Variants in UTRN observed in about 807,000 individuals in gnomAD.
The protein encoded by UTRN is utrophin, also known as dystrophin-related protein 1.
A neutral mutation model predicts 463.9 loss-of-function variants in UTRN; 283 were observed. The observed-to-expected ratio is 0.61, with a 90% CI of 0.55 to 0.67. The LOEUF (loss-of-function observed/expected upper bound fraction) is 0.67, where lower values mean the gene tolerates loss of function less well. Ranked by LOEUF, UTRN falls within the 30% of genes least tolerant of loss-of-function variation. UTRN has a pLI of 0.00. For synonymous variants in UTRN, 1,442 were observed against 1,431.5 expected (o/e 1.01, Z -0.17); for missense variants, 3,922 against 4,084.3 (o/e 0.96, Z 1.08).
At chr6:144,345,217 C>A (rs1207157583) in intron 2 of UTRN, among the ~76,000 whole-genome samples, 1 of 152,118 alleles carries the variant, frequency 6.6e-6, no homozygotes, top group Non-Finnish European at 1.5e-5. Context: ...AAATTCAAAC[C>A]AAAATGATTG....
intron 65 of UTRN, among the ~76,000 whole-genome samples, chr6:144,807,456 A>AT (rs1388556421): frequency 6.6e-6 from 1 of 152,080 alleles, no homozygotes; most frequent in Non-Finnish European, 1.5e-5. Context: ...CTAGGAAATG[A>AT]TTTTTTGTCT....
chr6:144,512,056 C>A (rs1382668206), intron 35 of UTRN, among the ~76,000 whole-genome samples: 1 of 152,050 alleles, frequency 6.6e-6, no homozygotes, highest in African/African-American at 2.4e-5. Context: ...TGATCTCTAA[C>A]AGATTTATAT....
chr6:144,428,338 A>G (rs1785483201), intron 7 of UTRN, among the ~76,000 whole-genome samples: 2 of 151,390 alleles, frequency 1.3e-5, no homozygotes, highest in Non-Finnish European at 2.9e-5. Context: ...AATTTAGTCC[A>G]TTAACATTGA....
chr6:144,832,129 A>G (rs77539503), intron 69 of UTRN, among the ~76,000 whole-genome samples: 6,939 of 152,248 alleles, frequency 0.046, 479 homozygotes, highest in African/African-American at 0.15. Flanking sequence ...TTGATGTTTA[A>G]TGTCCCTGAT....
chr6:144,556,837 G>A (rs562386345), intron 49 of UTRN, among the ~76,000 whole-genome samples: 3 of 152,300 alleles, frequency 2.0e-5, no homozygotes, highest in Admixed American at 6.5e-5. Context: ...ACGCATGTCC[G>A]TGTAAGGATC....
chr6:144,827,264 C>T, intron 66 of UTRN, 84 bp from the exon 67 acceptor site: 1 of 1,517,064 alleles, frequency 6.6e-7, no homozygotes, highest in Non-Finnish European at 9.1e-7. Context: ...AATTGAGAAT[C>T]TCCCCACACC....
At chr6:144,298,711 T>A (rs1804970473) in intron 2 of UTRN, among the ~76,000 whole-genome samples, 1 of 152,214 alleles carries the variant, frequency 6.6e-6, no homozygotes, top group Non-Finnish European at 1.5e-5. Context: ...CTAGTTACAT[T>A]CAGTTCAATC....
rs1433313334 is a variant in UTRN at position 144,285,774 on chromosome 6, G to C, written c.-140G>C. 2.0e-5 allele frequency: 3 copies of C among 152,438 alleles called. No individual in the cohort carries two copies. Among genetic ancestry groups the C allele is most frequent in the Admixed American group, 6.5e-5 (1 of 15,284 alleles). The allele number at this position is 152,438 out of a possible 1,614,324, so 9.4% of individuals were successfully genotyped here. A position where few individuals can be genotyped will look rare whatever the true frequency, so the allele number is the denominator to read the frequency against. On this transcript the variant is annotated 5_prime_UTR_variant, in exon 1 of 75. Coordinates refer to ENST00000367545, the MANE Select transcript of UTRN (RefSeq NM_007124.3). ...TCCTAGAGGAGCCCTTGGCCAGCTC[G>C]GGGTGCGGCGGTGGCGACCGGCAGG...
intron 48 of UTRN, among the ~76,000 whole-genome samples, 186 bp from the exon 49 acceptor site, chr6:144,554,502 C>A (rs947020056): frequency 2.6e-5 from 4 of 151,944 alleles, no homozygotes; most frequent in Non-Finnish European, 5.9e-5. Flanking sequence ...TTCTCAAACA[C>A]CGTTTCAGAA....
chr6:144,412,296 A>G (rs926009665), intron 3 of UTRN, among the ~76,000 whole-genome samples: 31 of 152,186 alleles, frequency 2.0e-4, no homozygotes, highest in African/African-American at 7.2e-4. Flanking sequence ...TAATTCCACT[A>G]CCAAGAGAAA....
At chr6:144,583,390 A>G (rs1327539476) in intron 51 of UTRN, 5 of 563,062 alleles carry the variant, frequency 8.9e-6, no homozygotes, top group Non-Finnish European at 1.7e-5. Flanking sequence ...GGAAACGAGC[A>G]TGCTCAGAGA....
At position 144,502,681 on chromosome 6, in the gene UTRN, C is replaced by T. The variant is rs140063573; in HGVS notation, c.4764+3254C>T. Reference sequence around the variant, plus strand: ...CATTGATGGGCATTTGGGTTGATTCCAAGTCTTTGCTATTGTGAATAGTGC... The same window carrying T: ...CATTGATGGGCATTTGGGTTGATTCTAAGTCTTTGCTATTGTGAATAGTGC... On this transcript the variant is annotated intron_variant, in intron 34 of 74. Transcript: ENST00000367545. Among the ~76,000 whole-genome samples the T allele has an allele frequency of 1.8e-3, 271 of 152,152 alleles. 1 individual carries two copies. The highest frequency in any genetic ancestry group is 0.017 in the Middle Eastern group (5 of 294).
chr6:144,748,160 C>T, intron 54 of UTRN, 86 bp from the exon 55 acceptor site: 1 of 1,460,092 alleles, frequency 6.8e-7, no homozygotes. Context: ...CCGTATTTCT[C>T]AGTAACGATG....
intron 51 of UTRN, among the ~76,000 whole-genome samples, chr6:144,630,019 A>G (rs967751708): frequency 6.3e-5 from 9 of 143,396 alleles, no homozygotes; most frequent in Non-Finnish European, 1.2e-4. Context: ...CCCCATCTCT[A>G]CTAAAAATAC....
At chr6:144,413,068 A>T (rs772319825) in intron 3 of UTRN, among the ~76,000 whole-genome samples, 2 of 152,136 alleles carry the variant, frequency 1.3e-5, no homozygotes, top group Non-Finnish European at 2.9e-5. Flanking sequence ...GTTTCTTTGT[A>T]CAATTTTGGC....
intron 2 of UTRN, among the ~76,000 whole-genome samples, chr6:144,308,416 G>C (rs184088199): frequency 6.6e-6 from 1 of 151,918 alleles, no homozygotes; most frequent in Non-Finnish European, 1.5e-5. Flanking sequence ...CCCACCCTCG[G>C]GTAGCTGGGG....
Position 144,699,473 on chromosome 6 carries a change from G to GTTTTTTTTTTTTTTTTTTT in UTRN, c.7653-605_7653-587dup, listed in dbSNP as rs71024902. Among the ~76,000 whole-genome samples the GTTTTTTTTTTTTTTTTTTT allele has an allele frequency of 4.4e-5, 3 of 67,600 alleles. 1 individual carries two copies. Among genetic ancestry groups the GTTTTTTTTTTTTTTTTTTT allele is most frequent in the Admixed American group, 2.9e-4 (1 of 3,404 alleles). The allele number at this position is 67,600 out of a possible 152,430, so 44.3% of individuals were successfully genotyped here. A position where few individuals can be genotyped will look rare whatever the true frequency, so the allele number is the denominator to read the frequency against. On this transcript the variant is annotated intron_variant, in intron 52 of 74. Transcript: ENST00000367545. The stretch of plus-strand genomic sequence containing the variant: ...AAATAATAATAATAATTAGTCAGTG[G>GTTTTTTTTTTTTTTTTTTT]TTTTTTTTTTTTTTTTTTTTTTTTT...
intron 4 of UTRN, among the ~76,000 whole-genome samples, chr6:144,422,988 T>G (rs761612276): frequency 6.6e-6 from 1 of 152,198 alleles, no homozygotes; most frequent in Non-Finnish European, 1.5e-5. Context: ...TAGGTTATCT[T>G]TCCCCAGATG....
At chr6:144,344,421 G>A in intron 2 of UTRN, 3 of 1,147,892 alleles carry the variant, frequency 2.6e-6, no homozygotes, top group Non-Finnish European at 3.4e-6. Context: ...CCAGGCTGGT[G>A]ACGGGAACAG....
Sources: allele counts gnomAD v4.1 joint callset (sites outside exome capture counted in the v4.1 genomes callset), GRCh38; gene constraint gnomAD v4.1.1; transcripts MANE v1.5; gene names NCBI Gene and HGNC (gene_info 2026-07-23, HGNC 2026-07-21).